The following MIB2 variants were observed in gnomAD, a reference collection of about 807,000 sequenced individuals.
MIB2 encodes E3 ubiquitin-protein ligase MIB2.
Under a neutral mutation model 96.6 loss-of-function variants are expected in MIB2, and 78 were observed. That is an observed-to-expected ratio of 0.81 (90% CI 0.67 to 0.97). MIB2 has a LOEUF of 0.97. MIB2 is among the 50% of genes least tolerant of loss of function. MIB2 has a pLI of 0.00. For missense variants in MIB2, 1,543 were observed against 1,424.0 expected, an observed-to-expected ratio of 1.08 and a Z score of -1.35; for synonymous variants, 820 against 629.5, an observed-to-expected ratio of 1.30 and a Z score of -4.53.
Position 1,628,005 on chromosome 1 carries a change from C to T in MIB2, c.1681-14C>T. The T allele has an allele frequency of 6.2e-7, 1 of 1,612,008 alleles. No individual in the cohort carries two copies. The highest frequency in any genetic ancestry group is 8.5e-7 in the Non-Finnish European group (1 of 1,179,320). ...GAAGTCACCCCCAGGTGACCACTGACTCCGCCCCAGCAGGACGCCCACTCG... is the reference window on the plus strand; with the variant it reads ...GAAGTCACCCCCAGGTGACCACTGATTCCGCCCCAGCAGGACGCCCACTCG... On this transcript the variant is annotated splice_polypyrimidine_tract_variant and intron_variant, in intron 13 of 19. Transcript: ENST00000355826.
At position 1,626,464 on chromosome 1, in the gene MIB2, G is replaced by T. The variant is rs961328487; in HGVS notation, c.973-186G>T. 1 of 583,870 alleles carries T rather than the reference G, an allele frequency of 1.7e-6. No homozygotes were observed. Among genetic ancestry groups the T allele is most frequent in the Non-Finnish European group, 3.0e-6 (1 of 331,820 alleles). 36.2% of individuals were successfully genotyped at this position (583,870 alleles called of 1,614,324 possible). A position where few individuals can be genotyped will look rare whatever the true frequency, so the allele number is the denominator to read the frequency against. On this transcript the variant is annotated intron_variant, in intron 8 of 19. Transcript: ENST00000355826. This position sits in a 1 kb window ranked among gnomAD's most constrained non-coding sequence, Gnocchi z 5.3. Reference sequence around the variant, plus strand: ...TGGCTCTGGGGCTAGGGACACCCAGGGCTGCCTTGGACACCTGGGGCTCTC... The same window carrying T: ...TGGCTCTGGGGCTAGGGACACCCAGTGCTGCCTTGGACACCTGGGGCTCTC...
intron 12 of MIB2, 92 bp downstream of exon 12, chr1:1,627,536 T>C (rs1306254582): frequency 6.8e-7 from 1 of 1,479,640 alleles, no homozygotes; most frequent in African/African-American, 1.4e-5. Flanking sequence ...GCTGAGCCTG[T>C]GCGTCCTGGG....
chr1:1,615,129 G>C (rs1231346690), upstream of MIB2: 1 of 352,424 alleles, frequency 2.8e-6, no homozygotes, highest in Non-Finnish European at 5.2e-6. Flanking sequence ...CTGGGGTGCA[G>C]AACCCGGGGC....
At chr1:1,616,746 TC>T in intron 2 of MIB2, 132 bp downstream of exon 2, 4 of 675,404 alleles carry the variant, frequency 5.9e-6, no homozygotes, top group Non-Finnish European at 1.0e-5. Flanking sequence ...TGGTGAGTAA[TC>T]CCGCGTCTCC....
At chr1:1,614,364 A>C (rs1324597359), upstream of MIB2, 1 of 152,252 alleles carries the variant, frequency 6.6e-6, no homozygotes, top group Non-Finnish European at 1.5e-5. Context: ...TATTCTAGAT[A>C]AGCAGCTTGC....
At position 1,623,610 on chromosome 1, in the gene MIB2, T is replaced by A; in HGVS notation, c.158T>A (p.Val53Asp). Reference protein sequence around the residue: ...GSPSTPDRTVVVQWDQGTRTN... With the variant: ...GSPSTPDRTVDVQWDQGTRTN... ...CCCTCGACACCCGACCGCACAGTGG[T>A]CGTGCAGTGGGACCAGGGCACGCGC... is the stretch of plus-strand genomic sequence containing the variant. Residue 53 changes from valine to aspartate, a missense_variant, in exon 3 of 20, where the codon GTC becomes GAC. By Grantham distance (152) the Val-to-Asp change is radical. Transcript: ENST00000355826. 1 of 1,496,744 alleles carries A rather than the reference T, an allele frequency of 6.7e-7. No individual in the cohort carries two copies. 92.7% of individuals were successfully genotyped at this position (1,496,744 alleles called of 1,614,324 possible). A position where few individuals can be genotyped will look rare whatever the true frequency, so the allele number is the denominator to read the frequency against.
chr1:1,624,144 GC>G, intron 4 of MIB2, 199 bp downstream of exon 4: 2 of 632,662 alleles, frequency 3.2e-6, no homozygotes, highest in Non-Finnish European at 5.3e-6. Flanking sequence ...GGCAGCAGTG[GC>G]CATCAGGCAG....
chr1:1,628,872 T>A, intron 16 of MIB2, 150 bp downstream of exon 16: 3 of 798,560 alleles, frequency 3.8e-6, no homozygotes, highest in South Asian at 1.8e-5. Flanking sequence ...AGCCAAGTTC[T>A]ATGTGATCCT....
At position 1,623,957 on chromosome 1, in the gene MIB2, G is replaced by C. The variant is rs751690977; in HGVS notation, c.419+12G>C. ...GCTCACTCGCGCCCGTGAGTCCCGG[G>C]CCGCACCGGCTCCTGTGCGGCGGGT... is the stretch of plus-strand genomic sequence containing the variant. On this transcript the variant is annotated intron_variant, in intron 4 of 19. Coordinates refer to ENST00000355826, the MANE Select transcript of MIB2 (RefSeq NM_001170687.4). 6.3e-7 allele frequency: 1 copy of C among 1,596,566 alleles called. No individual in the cohort carries two copies. The highest frequency in any genetic ancestry group is 1.7e-5 in the Admixed American group (1 of 59,320).
Position 1,629,148 on chromosome 1 carries a change from C to A in MIB2, c.2218C>A (p.Leu740Ile). The A allele has an allele frequency of 6.7e-7, 1 of 1,496,484 alleles. No individual in the cohort carries two copies. The allele number at this position is 1,496,484 out of a possible 1,614,324, so 92.7% of individuals were successfully genotyped here. A position where few individuals can be genotyped will look rare whatever the true frequency, so the allele number is the denominator to read the frequency against. ...TGCCGCCCAGCTACAGGCCTCGGGC[C>A]TCCCCGGCAGCGCGGAGCTGACGGT... ...QLLSRLQASG[L>I]PGSAELTVGA... The change falls in exon 17 of 20, where the codon CTC becomes ATC. Residue 740 changes from leucine to isoleucine, a missense_variant. Transcript: ENST00000355826.
At chr1:1,615,391 G>A (rs1643491861), upstream of MIB2, 7 of 1,441,780 alleles carry the variant, frequency 4.9e-6, no homozygotes, top group South Asian at 1.5e-5. Context: ...CAGGGTAGGC[G>A]ACGCAGACGC....
At chr1:1,615,316 G>A, upstream of MIB2, 1 of 1,379,620 alleles carries the variant, frequency 7.2e-7, no homozygotes, top group South Asian at 1.6e-5. Flanking sequence ...AACCGAGTGC[G>A]TCTCTAGGAC....
intron 16 of MIB2, 40 bp from the exon 17 acceptor site, chr1:1,629,093 C>G: frequency 7.1e-7 from 1 of 1,404,830 alleles, no homozygotes; most frequent in Non-Finnish European, 9.2e-7. Context: ...TCGGGCCTGC[C>G]CCGGCGCCCG....
chr1:1,624,398 C>A (rs1644544783), intron 4 of MIB2, among the ~76,000 whole-genome samples: 1 of 152,188 alleles, frequency 6.6e-6, no homozygotes, highest in South Asian at 2.1e-4. Flanking sequence ...GTTGGCCAGG[C>A]CTGCTTTCCT....
rs371552955 is a variant in MIB2 at position 1,623,954 on chromosome 1, C to G, written c.419+9C>G. Reference sequence around the variant, plus strand: ...ACCGCTCACTCGCGCCCGTGAGTCCCGGGCCGCACCGGCTCCTGTGCGGCG... The same window carrying G: ...ACCGCTCACTCGCGCCCGTGAGTCCGGGGCCGCACCGGCTCCTGTGCGGCG... On this transcript the variant is annotated intron_variant, in intron 4 of 19. Coordinates refer to ENST00000355826, the MANE Select transcript of MIB2 (RefSeq NM_001170687.4). 15 of 1,596,494 alleles carry G rather than the reference C, an allele frequency of 9.4e-6. No individual in the cohort carries two copies. In the South Asian group the frequency reaches 1.7e-4, roughly 18 times the overall value.
In MIB2 at chr1:1,616,547, T is replaced by C. The variant is rs7418389; in HGVS notation, c.-90T>C. The C allele has an allele frequency of 0.67, 1,068,148 of 1,599,428 alleles. 368,656 individuals are homozygous for C. Among genetic ancestry groups the C allele is most frequent in the Non-Finnish European group, 0.72 (840,796 of 1,173,500 alleles). On this transcript the variant is annotated 5_prime_UTR_variant, in exon 2 of 20. Transcript: ENST00000355826. ...CGAGGCTAGAGGCCAGTCCCAAAGT[T>C]TCCAGGCATCAGGGCTGCAGCCCAG...
chr1:1,623,436 G>A lies in MIB2; in HGVS notation c.-17G>A, dbSNP rs754478349. The A allele has an allele frequency of 8.1e-6, 13 of 1,601,740 alleles. No individual in the cohort carries two copies. Among genetic ancestry groups the A allele is most frequent in the Admixed American group, 5.1e-5 (3 of 59,172 alleles). On this transcript the variant is annotated 5_prime_UTR_variant, in exon 3 of 20. Transcript: ENST00000355826. ...ATGGACCCCTCTGCCCACAGGTCCC[G>A]AGCAGCCCCGCCCAACATGGACCCA...
At chr1:1,617,483 A>G (rs1643866114) in intron 2 of MIB2, 1 of 152,220 alleles carries the variant, frequency 6.6e-6, no homozygotes, top group African/African-American at 2.4e-5. Context: ...CAGCAATAGA[A>G]CAGACCCGGT....
In MIB2 at chr1:1,626,612, C is replaced by A. The variant is rs765235067; in HGVS notation, c.973-38C>A. On this transcript the variant is annotated intron_variant, in intron 8 of 19. Transcript: ENST00000355826. The surrounding 1 kb of genome is among the most constrained non-coding windows in gnomAD (Gnocchi z 5.3). ...TTGCATGAGCCTGGGCAGCCACACA[C>A]AGCTGGGGGGCCCCTCACGCCCCTC... is the stretch of plus-strand genomic sequence containing the variant. 4 of 1,487,194 alleles carry A rather than the reference C, an allele frequency of 2.7e-6. No homozygotes were observed. The highest frequency in any genetic ancestry group is 2.0e-4 in the Middle Eastern group (1 of 5,014). The allele number at this position is 1,487,194 out of a possible 1,614,324, so 92.1% of individuals were successfully genotyped here.
Sources: gnomAD v4.1 joint callset for allele counts (sites outside exome capture counted in the v4.1 genomes callset) on GRCh38, gnomAD v4.1.1 for gene constraint, Gnocchi (gnomAD v3.1) non-coding constraint, MANE v1.5 for transcripts, NCBI Gene and HGNC (gene_info 2026-07-23, HGNC 2026-07-21) for gene names.